ESYT2: variants seen among roughly 807,000 people sequenced by gnomAD.
ESYT2 encodes the protein extended synaptotagmin-2.
In ESYT2, 54 loss-of-function variants were observed where a neutral mutation model predicts 107.2. The observed-to-expected ratio is 0.50, with a 90% CI of 0.40 to 0.63. ESYT2 has a LOEUF of 0.63. Among genes scored for constraint, ESYT2 ranks in the 30% least tolerant of loss-of-function variants. The pLI is 0.00. For missense variants in ESYT2, 1,020 were observed against 1,094.5 expected, an observed-to-expected ratio of 0.93 and a Z score of 0.96; for synonymous variants, 491 against 434.1, an observed-to-expected ratio of 1.13 and a Z score of -1.63.
At chr7:158,828,250 C>T (rs1386037334) in intron 1 of ESYT2, among the ~76,000 whole-genome samples, 1 of 152,266 alleles carries the variant, frequency 6.6e-6, no homozygotes, top group Non-Finnish European at 1.5e-5. Flanking sequence ...AAAAAGTTAA[C>T]TTCTCCCCCA....
chr7:158,761,917 G>A (rs1263738550), intron 10 of ESYT2, among the ~76,000 whole-genome samples: 4 of 152,004 alleles, frequency 2.6e-5, no homozygotes, highest in Non-Finnish European at 5.9e-5. Context: ...TATTTTACAC[G>A]TCCTCTTGGA....
intron 14 of ESYT2, among the ~76,000 whole-genome samples, chr7:158,751,240 A>G (rs1233534025): frequency 6.6e-6 from 1 of 152,206 alleles, no homozygotes; most frequent in African/African-American, 2.4e-5. Context: ...GTGACATGAT[A>G]AAACTGTTTA....
At chr7:158,773,447 T>C (rs842447) in intron 6 of ESYT2, 51 bp from the exon 7 acceptor site, 1,365,203 of 1,594,186 alleles carry the variant, frequency 0.86, 589,296 homozygotes, top group Non-Finnish European at 0.89. Flanking sequence ...TTCCAATTAT[T>C]GAATCAGGTG....
At chr7:158,821,842 T>A (rs1187948955) in intron 1 of ESYT2, among the ~76,000 whole-genome samples, 1 of 152,206 alleles carries the variant, frequency 6.6e-6, no homozygotes, top group Non-Finnish European at 1.5e-5. Flanking sequence ...CCGCTCGCGC[T>A]GTTGCCACTG....
At chr7:158,762,304 C>T (rs1426858721) in intron 10 of ESYT2, among the ~76,000 whole-genome samples, 1 of 152,126 alleles carries the variant, frequency 6.6e-6, no homozygotes, top group Admixed American at 6.5e-5. Flanking sequence ...GCTCAGCCCC[C>T]GACAATCCAA....
At chr7:158,789,843 T>C (rs1839225897) in intron 4 of ESYT2, among the ~76,000 whole-genome samples, 1 of 152,184 alleles carries the variant, frequency 6.6e-6, no homozygotes, top group Non-Finnish European at 1.5e-5. Flanking sequence ...CTGATGCGTA[T>C]TTGTTCAGAG....
intron 8 of ESYT2, among the ~76,000 whole-genome samples, chr7:158,765,341 C>A (rs934704346): frequency 6.6e-6 from 1 of 152,206 alleles, no homozygotes; most frequent in African/African-American, 2.4e-5. Context: ...AGTAACTATG[C>A]TGTTTCATTT....
At chr7:158,756,910 A>T (rs920391171) in intron 13 of ESYT2, among the ~76,000 whole-genome samples, 1 of 143,604 alleles carries the variant, frequency 7.0e-6, no homozygotes, top group African/African-American at 2.8e-5. Context: ...ACTCCATCTC[A>T]AATTAAAAAA....
intron 10 of ESYT2, among the ~76,000 whole-genome samples, chr7:158,762,148 C>G (rs1327629105): frequency 6.6e-6 from 1 of 152,098 alleles, no homozygotes; most frequent in Non-Finnish European, 1.5e-5. Context: ...TTGGCACCAC[C>G]CCCAGACGCC....
At chr7:158,759,665 C>T (rs181171461) in intron 12 of ESYT2, 84 bp from the exon 13 acceptor site, 107 of 1,146,702 alleles carry the variant, frequency 9.3e-5, no homozygotes, top group Admixed American at 4.2e-4. Context: ...ATGTTGATTA[C>T]GCTAAAAATA....
intron 7 of ESYT2, among the ~76,000 whole-genome samples, chr7:158,772,508 T>C (rs895570666): frequency 2.0e-5 from 3 of 152,232 alleles, no homozygotes; most frequent in Non-Finnish European, 4.4e-5. Flanking sequence ...CATATAACTT[T>C]AACCCACAGG....
chr7:158,732,252 G>C lies in ESYT2; in HGVS notation c.*1955C>G, dbSNP rs1563609703. ...AGATTATGACAGAAGACTTTCAACAGACCTGATTTTTAAAAAACCCTCAAC... is the reference window on the plus strand; with the variant it reads ...AGATTATGACAGAAGACTTTCAACACACCTGATTTTTAAAAAACCCTCAAC... On this transcript the variant is annotated 3_prime_UTR_variant, in exon 23 of 23. Coordinates refer to ENST00000275418, the MANE Select transcript of ESYT2 (RefSeq NM_001367773.1). The C allele has an allele frequency of 6.6e-6, 1 of 152,132 alleles. No homozygotes were observed. Among genetic ancestry groups the C allele is most frequent in the African/African-American group, 2.4e-5 (1 of 41,416 alleles). 9.4% of individuals were successfully genotyped at this position (152,132 alleles called of 1,614,324 possible). A position where few individuals can be genotyped will look rare whatever the true frequency, so the allele number is the denominator to read the frequency against.
At chr7:158,748,970 G>A (rs1295526023) in intron 15 of ESYT2, among the ~76,000 whole-genome samples, 1 of 152,122 alleles carries the variant, frequency 6.6e-6, no homozygotes. Context: ...AATTCTAACT[G>A]TATTGGTTGA....
intron 22 of ESYT2, 72 bp downstream of exon 22, chr7:158,734,350 C>G: frequency 6.2e-7 from 1 of 1,608,250 alleles, no homozygotes; most frequent in Admixed American, 1.7e-5. Context: ...CTGTGGGGGA[C>G]ACTACCCACT....
chr7:158,744,559 T>G (rs1174536927), intron 16 of ESYT2, among the ~76,000 whole-genome samples: 1 of 152,212 alleles, frequency 6.6e-6, no homozygotes, highest in Non-Finnish European at 1.5e-5. Flanking sequence ...GAGGTGGATC[T>G]CACTATGTTG....
At chr7:158,812,255 G>C (rs555555906) in intron 1 of ESYT2, among the ~76,000 whole-genome samples, 1 of 152,190 alleles carries the variant, frequency 6.6e-6, no homozygotes, top group African/African-American at 2.4e-5. Flanking sequence ...ACTTCGCCGA[G>C]ACTGCTAAGT....
intron 1 of ESYT2, among the ~76,000 whole-genome samples, chr7:158,822,606 T>C (rs887918014): frequency 1.3e-5 from 2 of 151,250 alleles, no homozygotes; most frequent in Admixed American, 1.3e-4. Flanking sequence ...CTACTACAAG[T>C]ATAAAAAATG....
chr7:158,820,254 T>C (rs1341873115), intron 1 of ESYT2, among the ~76,000 whole-genome samples: 2 of 152,170 alleles, frequency 1.3e-5, no homozygotes, highest in Non-Finnish European at 2.9e-5. Flanking sequence ...GGATAAAACA[T>C]TTCAATTACA....
Position 158,746,095 on chromosome 7 carries a change from G to A in ESYT2, c.1644+2099C>T, listed in dbSNP as rs369705415. 1.6e-4 allele frequency among the ~76,000 whole-genome samples: 25 copies of A among 152,166 alleles called. 3 individuals are homozygous for A. Among genetic ancestry groups the A allele is most frequent in the African/African-American group, 6.0e-4 (25 of 41,520 alleles). On this transcript the variant is annotated intron_variant, in intron 16 of 22. Transcript: ENST00000275418. The stretch of plus-strand genomic sequence containing the variant: ...ACTTATTAGGAAGAAGAAGAGAGAA[G>A]ACAGGCCAGGCATGATGGCTCACGT...
Sources: gnomAD v4.1 joint callset for allele counts (sites outside exome capture counted in the v4.1 genomes callset) on GRCh38, gnomAD v4.1.1 for gene constraint, MANE v1.5 for transcripts, NCBI Gene and HGNC (gene_info 2026-07-23, HGNC 2026-07-21) for gene names.